The following SORCS3 variants were observed in gnomAD, a reference collection of about 807,000 sequenced individuals.
SORCS3 encodes sortilin related VPS10 domain containing receptor 3.
Under a neutral mutation model 146.3 loss-of-function variants are expected in SORCS3, and 57 were observed. The observed-to-expected ratio is 0.39, with a 90% CI of 0.31 to 0.49. The LOEUF is 0.49. SORCS3 is among the 20% of genes least tolerant of loss of function. The probability of loss-of-function intolerance (pLI) is 0.92; values close to 1 mark genes in which losing one functional copy is unlikely to be tolerated. For missense variants in SORCS3, 1,341 were observed against 1,575.5 expected (o/e 0.85, Z 2.52); for synonymous variants, 653 against 618.5 (o/e 1.06, Z -0.83).
intron 5 of SORCS3, among the ~76,000 whole-genome samples, chr10:105,060,192 G>T (rs2055475434): frequency 6.6e-6 from 1 of 152,142 alleles, no homozygotes; most frequent in Admixed American, 6.5e-5. Flanking sequence ...AAGCTTGTGT[G>T]CGTGCTTGTG....
At chr10:105,132,050 T>G (rs1208612406) in intron 7 of SORCS3, among the ~76,000 whole-genome samples, 1 of 152,138 alleles carries the variant, frequency 6.6e-6, no homozygotes, top group Non-Finnish European at 1.5e-5. Context: ...CCCCTCCACA[T>G]AGAGGTTTGG....
At chr10:104,738,733 T>C (rs775225455) in intron 1 of SORCS3, among the ~76,000 whole-genome samples, 8 of 152,144 alleles carry the variant, frequency 5.3e-5, no homozygotes, top group Non-Finnish European at 8.8e-5. Context: ...ACAGACAAAG[T>C]TGGGTTCATA....
At chr10:105,170,301 A>G (rs970073858) in intron 13 of SORCS3, among the ~76,000 whole-genome samples, 2 of 152,124 alleles carry the variant, frequency 1.3e-5, no homozygotes, top group Admixed American at 1.3e-4. Context: ...ATATTCATTT[A>G]GGGATATTTA....
intron 4 of SORCS3, among the ~76,000 whole-genome samples, chr10:104,980,910 C>T (rs2054928195): frequency 6.6e-6 from 1 of 152,118 alleles, no homozygotes; most frequent in Non-Finnish European, 1.5e-5. Context: ...TCGAGAGATG[C>T]ACATCACACT....
chr10:105,053,069 T>C (rs2055423777), intron 5 of SORCS3, among the ~76,000 whole-genome samples: 1 of 152,070 alleles, frequency 6.6e-6, no homozygotes, highest in Non-Finnish European at 1.5e-5. Context: ...GAGGGCCACC[T>C]TCTGGATGTA....
intron 6 of SORCS3, among the ~76,000 whole-genome samples, chr10:105,099,634 GCAGAAC>G (rs1654143742): frequency 6.6e-6 from 1 of 152,172 alleles, no homozygotes; most frequent in Non-Finnish European, 1.5e-5. Flanking sequence ...GAAAGGTATG[GCAGAAC>G]CAGAACTGGA....
chr10:104,979,533 G>A (rs2054920843), intron 4 of SORCS3, among the ~76,000 whole-genome samples: 2 of 151,616 alleles, frequency 1.3e-5, no homozygotes, highest in Non-Finnish European at 2.9e-5. Context: ...GCTCCTCAGT[G>A]TATATTTGAA....
intron 1 of SORCS3, among the ~76,000 whole-genome samples, chr10:104,726,104 G>A (rs1039598926): frequency 3.3e-5 from 5 of 152,056 alleles, no homozygotes; most frequent in South Asian, 2.1e-4. Flanking sequence ...GTTCCTTTTC[G>A]GCCATCTTTG....
At chr10:105,175,099 G>C (rs940326859) in intron 13 of SORCS3, among the ~76,000 whole-genome samples, 6 of 152,106 alleles carry the variant, frequency 3.9e-5, no homozygotes, top group African/African-American at 1.4e-4. Flanking sequence ...CCAGGCTGGA[G>C]TGCAATGGCA....
At chr10:105,032,379 G>C (rs183579873) in intron 4 of SORCS3, among the ~76,000 whole-genome samples, 1 of 152,262 alleles carries the variant, frequency 6.6e-6, no homozygotes, top group East Asian at 1.9e-4. Flanking sequence ...TTTTGTGTCA[G>C]TTAACCACTA....
intron 3 of SORCS3, among the ~76,000 whole-genome samples, chr10:104,948,030 A>G (rs1005068160): frequency 1.3e-5 from 2 of 152,242 alleles, no homozygotes; most frequent in Non-Finnish European, 2.9e-5. Context: ...TGTACTCCTT[A>G]TAAGTTGACT....
At chr10:105,034,101 C>T (rs1304403243) in intron 4 of SORCS3, among the ~76,000 whole-genome samples, 3 of 152,080 alleles carry the variant, frequency 2.0e-5, no homozygotes, top group Admixed American at 2.0e-4. Context: ...TATACAAATA[C>T]ATGTTTTCAT....
At chr10:104,704,377 A>G (rs1482808489) in intron 1 of SORCS3, among the ~76,000 whole-genome samples, 2 of 151,984 alleles carry the variant, frequency 1.3e-5, no homozygotes, top group Non-Finnish European at 2.9e-5. Context: ...ATATCTCCCT[A>G]TGTTGCCCAG....
At chr10:105,106,477 T>C (rs2055822725) in intron 7 of SORCS3, among the ~76,000 whole-genome samples, 1 of 152,204 alleles carries the variant, frequency 6.6e-6, no homozygotes, top group African/African-American at 2.4e-5. Flanking sequence ...AGGCTATCAA[T>C]GGATTTGTCT....
intron 4 of SORCS3, among the ~76,000 whole-genome samples, chr10:104,991,593 C>T (rs1486926907): frequency 6.6e-6 from 1 of 151,738 alleles, no homozygotes; most frequent in Non-Finnish European, 1.5e-5. Flanking sequence ...CCTCTGCCTC[C>T]TGGGTTCAAG....
intron 3 of SORCS3, among the ~76,000 whole-genome samples, chr10:104,930,946 A>G (rs897186955): frequency 2.0e-5 from 3 of 152,150 alleles, no homozygotes; most frequent in Non-Finnish European, 4.4e-5. Context: ...AGTAAATACT[A>G]TTTATTATTA....
intron 20 of SORCS3, among the ~76,000 whole-genome samples, chr10:105,242,262 TTA>T (rs1247714996): frequency 2.9e-5 from 4 of 140,078 alleles, no homozygotes; most frequent in South Asian, 2.1e-4. Context: ...ATACATATAT[TTA>T]TATATATATT....
At chr10:104,962,712 G>C (rs1169122124) in intron 3 of SORCS3, among the ~76,000 whole-genome samples, 2 of 152,210 alleles carry the variant, frequency 1.3e-5, no homozygotes, top group Non-Finnish European at 2.9e-5. Flanking sequence ...GTATATGTGT[G>C]TGTGTAGACA....
chr10:104,745,737 C>G (rs932163992), intron 1 of SORCS3, among the ~76,000 whole-genome samples: 2 of 152,130 alleles, frequency 1.3e-5, no homozygotes, highest in Admixed American at 6.5e-5. Context: ...CTCCCACTTG[C>G]CCCCTCATCC....
Sources: gnomAD v4.1 joint callset for allele counts (sites outside exome capture counted in the v4.1 genomes callset) on GRCh38, gnomAD v4.1.1 for gene constraint, MANE v1.5 for transcripts, NCBI Gene and HGNC (gene_info 2026-07-23, HGNC 2026-07-21) for gene names.